PLAAT1: variants seen among roughly 807,000 people sequenced by gnomAD.
PLAAT1 encodes the protein H-REV107 protein-related protein.
In PLAAT1, 13 loss-of-function variants were observed where a neutral mutation model predicts 16.4. The observed-to-expected ratio is 0.79, with a 90% confidence interval of 0.52 to 1.26. The LOEUF is 1.26. Among genes scored for constraint, PLAAT1 ranks in the 50% most tolerant of loss-of-function variants. PLAAT1 has a pLI of 0.00. For missense variants in PLAAT1, 218 were observed against 207.8 expected (o/e 1.05, Z -0.30); for synonymous variants, 73 against 78.4 (o/e 0.93, Z 0.36).
chr3:193,262,706 G>A (rs945346027), intron 2 of PLAAT1, among the ~76,000 whole-genome samples: 2 of 152,146 alleles, frequency 1.3e-5, no homozygotes, highest in African/African-American at 2.4e-5. Flanking sequence ...AGGATGAGTA[G>A]CGTATTCTCA....
At chr3:193,275,408 GTGCTCAT>G (rs2108809561), downstream of PLAAT1, 1 of 1,305,702 alleles carries the variant, frequency 7.7e-7, no homozygotes, top group Non-Finnish European at 1.1e-6. Context: ...CCTCTGAGGT[GTGCTCAT>G]TGCTGTTGCA....
intron 1 of PLAAT1, among the ~76,000 whole-genome samples, chr3:193,248,595 TTG>T (rs1716068840): frequency 6.6e-6 from 1 of 152,066 alleles, no homozygotes; most frequent in South Asian, 2.1e-4. Context: ...AATTTTTCCT[TTG>T]TGGTTACTAG....
chr3:193,240,757 T>C (rs1715688626), upstream of PLAAT1, among the ~76,000 whole-genome samples: 1 of 151,268 alleles, frequency 6.6e-6, no homozygotes, highest in Non-Finnish European at 1.5e-5. Flanking sequence ...TGAGGTTGTT[T>C]TAGGGCCAGT....
rs552410237 is a variant in PLAAT1, at chr3:193,270,399, G to A, written c.406-205G>A. ...ATGAGGAATATATACCCATGTGTAC[G>A]TATCTACATCTTTGACATAATTATA... On this transcript the variant is annotated intron_variant, in intron 3 of 3. Transcript: ENST00000264735. 3.9e-5 allele frequency among the ~76,000 whole-genome samples: 6 copies of A among 152,188 alleles called. No homozygotes were observed. The East Asian group carries it at 5.8e-4, about 15-fold the overall frequency.
chr3:193,245,096 A>G (rs1287664813), intron 1 of PLAAT1, among the ~76,000 whole-genome samples: 2 of 152,196 alleles, frequency 1.3e-5, no homozygotes, highest in African/African-American at 4.8e-5. Flanking sequence ...TATGCAGTAC[A>G]TTATTATGTG....
chr3:193,280,761 C>G (rs1204594507), downstream of PLAAT1, among the ~76,000 whole-genome samples: 1 of 152,092 alleles, frequency 6.6e-6, no homozygotes, highest in Non-Finnish European at 1.5e-5. Flanking sequence ...GCCCAAACAA[C>G]AGCATTTAAT....
chr3:193,280,568 C>G (rs1717443191), downstream of PLAAT1, among the ~76,000 whole-genome samples: 1 of 152,140 alleles, frequency 6.6e-6, no homozygotes, highest in African/African-American at 2.4e-5. Context: ...ACATCTGTTG[C>G]ATTTCTTCTT....
chr3:193,249,319 G>C (rs1184985585), intron 1 of PLAAT1, among the ~76,000 whole-genome samples: 2 of 151,762 alleles, frequency 1.3e-5, no homozygotes, highest in Admixed American at 6.6e-5. Flanking sequence ...TGTTTGTCAA[G>C]CTTCTGGATT....
At chr3:193,279,678 G>A (rs913022288), downstream of PLAAT1, among the ~76,000 whole-genome samples, 1 of 152,162 alleles carries the variant, frequency 6.6e-6, no homozygotes, top group African/African-American at 2.4e-5. Context: ...TTAATCAAAT[G>A]TATTAAAGTA....
downstream of PLAAT1, chr3:193,279,480 T>G: frequency 6.3e-7 from 1 of 1,575,642 alleles, no homozygotes; most frequent in Non-Finnish European, 8.7e-7. Context: ...ACATTATTTT[T>G]AGATGTTAAA....
upstream of PLAAT1, chr3:193,241,137 CG>C: frequency 3.2e-6 from 3 of 945,020 alleles, no homozygotes; most frequent in Non-Finnish European, 3.8e-6. Context: ...GGCGGGCGGG[CG>C]GGCGAAGCTG....
At chr3:193,276,662 A>G in intron 2 of PLAAT1, 1 of 908,086 alleles carries the variant, frequency 1.1e-6, no homozygotes, top group South Asian at 1.6e-5. Flanking sequence ...TGGGGGATCA[A>G]AGTGGTTGCT....
chr3:193,241,407 C>G lies in PLAAT1; in HGVS notation c.-127C>G. 1.6e-6 allele frequency: 2 copies of G among 1,231,836 alleles called. No homozygotes were observed. The highest frequency in any genetic ancestry group is 1.0e-6 in the Non-Finnish European group (1 of 988,076). The allele number at this position is 1,231,836 out of a possible 1,614,324, so 76.3% of individuals were successfully genotyped here. A position where few individuals can be genotyped will look rare whatever the true frequency, so the allele number is the denominator to read the frequency against. On this transcript the variant is annotated 5_prime_UTR_variant, in exon 1 of 4. Coordinates refer to ENST00000264735, the MANE Select transcript of PLAAT1 (RefSeq NM_020386.5). ...GCTGGCGCCTGCCTCCCGGGTGTCT[C>G]CCGGGTACAGATGGAGTCGTCCCGC...
chr3:193,255,539 A>G lies in PLAAT1; in HGVS notation c.1-112A>G, dbSNP rs140037952. 2.5e-5 allele frequency: 26 copies of G among 1,037,464 alleles called. No individual in the cohort carries two copies. In the African/African-American group the frequency reaches 4.3e-4, roughly 17 times the overall value. 64.3% of individuals were successfully genotyped at this position (1,037,464 alleles called of 1,614,324 possible). A position where few individuals can be genotyped will look rare whatever the true frequency, so the allele number is the denominator to read the frequency against. ...AGGGTCGTGATTCTAAGTCTTTAAT[A>G]TAGAATGCAGTCTCAATAAATTCTG... On this transcript the variant is annotated intron_variant, in intron 1 of 3. Transcript: ENST00000264735.
rs80281876 is a variant in PLAAT1 at position 193,261,026 on chromosome 3, C to T, written c.140-1944C>T. ...GTATACATTTAAATGCTTTGTTTTT[C>T]TGTATTTTATAAATGTTTAAAAATG... On this transcript the variant is annotated intron_variant, in intron 2 of 3. Coordinates refer to ENST00000264735, the MANE Select transcript of PLAAT1 (RefSeq NM_020386.5). 2.2e-4 allele frequency among the ~76,000 whole-genome samples: 34 copies of T among 152,162 alleles called. 2 individuals are homozygous for T. The East Asian group carries it at 6.6e-3, about 29-fold the overall frequency.
upstream of PLAAT1, chr3:193,241,219 A>C: frequency 8.2e-7 from 1 of 1,223,450 alleles, no homozygotes; most frequent in Non-Finnish European, 1.0e-6. Flanking sequence ...GCGGCTCCCC[A>C]TGGTCAGAGC....
chr3:193,269,741 C>CAAA (rs1716920042), intron 3 of PLAAT1, among the ~76,000 whole-genome samples: 1 of 152,108 alleles, frequency 6.6e-6, no homozygotes, highest in African/African-American at 2.4e-5. Flanking sequence ...CGAATGTGAC[C>CAAA]TTTGGGTCAT....
chr3:193,271,194 T>A (rs116080075), downstream of PLAAT1, among the ~76,000 whole-genome samples: 3,721 of 152,232 alleles, frequency 0.024, 127 homozygotes, highest in African/African-American at 0.068. Context: ...ACAAGCCTTT[T>A]GGGGAATGCA....
At chr3:193,268,575 G>A (rs1448934955) in intron 3 of PLAAT1, among the ~76,000 whole-genome samples, 1 of 152,218 alleles carries the variant, frequency 6.6e-6, no homozygotes, top group Non-Finnish European at 1.5e-5. Context: ...CTGAGATGTT[G>A]TAATCTTGCA....
Sources: allele counts gnomAD v4.1 joint callset (sites outside exome capture counted in the v4.1 genomes callset), GRCh38; gene constraint gnomAD v4.1.1; transcripts MANE v1.5; gene names NCBI Gene and HGNC (gene_info 2026-07-23, HGNC 2026-07-21).